PTPRD: variants seen among roughly 807,000 people sequenced by gnomAD.
PTPRD encodes the protein receptor-type tyrosine-protein phosphatase delta.
Under a neutral mutation model 214.5 loss-of-function variants are expected in PTPRD, and 34 were observed. The observed-to-expected ratio is 0.16, with a 90% CI of 0.12 to 0.21. PTPRD has a LOEUF of 0.21. Among genes scored for constraint, PTPRD ranks in the 10% least tolerant of loss-of-function variants. The probability of loss-of-function intolerance (pLI) is 1.00; values close to 1 mark genes in which losing one functional copy is unlikely to be tolerated. For synonymous variants in PTPRD, 1,128 were observed against 845.7 expected, an observed-to-expected ratio of 1.33 and a Z score of -5.79; for missense variants, 2,545 against 2,398.7, an observed-to-expected ratio of 1.06 and a Z score of -1.27.
intron 27 of PTPRD, among the ~76,000 whole-genome samples, chr9:8,490,713 C>T (rs550032850): frequency 6.6e-6 from 1 of 152,212 alleles, no homozygotes; most frequent in South Asian, 2.1e-4. Context: ...ACATTTTCTT[C>T]AGAAGCATCC....
At chr9:8,892,983 T>TG (rs1402917771) in intron 11 of PTPRD, among the ~76,000 whole-genome samples, 2 of 152,096 alleles carry the variant, frequency 1.3e-5, no homozygotes, top group Non-Finnish European at 2.9e-5. Context: ...ACGTCCATGT[T>TG]GGTGGAATAG....
intron 5 of PTPRD, among the ~76,000 whole-genome samples, chr9:9,894,116 A>G (rs2074245724): frequency 6.6e-6 from 1 of 151,790 alleles, no homozygotes; most frequent in African/African-American, 2.4e-5. Flanking sequence ...ACCACTCCCA[A>G]CCCTTTTATT....
intron 30 of PTPRD, among the ~76,000 whole-genome samples, chr9:8,471,666 G>C (rs561911264): frequency 6.6e-6 from 1 of 152,094 alleles, no homozygotes; most frequent in African/African-American, 2.4e-5. Flanking sequence ...CTCGAGGTAA[G>C]TACCGCAGAA....
At chr9:9,240,777 G>T (rs2099969990) in intron 9 of PTPRD, among the ~76,000 whole-genome samples, 1 of 151,976 alleles carries the variant, frequency 6.6e-6, no homozygotes, top group Non-Finnish European at 1.5e-5. Context: ...TATAATTTTG[G>T]TTATTACATT....
intron 9 of PTPRD, among the ~76,000 whole-genome samples, chr9:9,383,468 G>A (rs1269353232): frequency 6.6e-6 from 1 of 152,006 alleles, no homozygotes; most frequent in Non-Finnish European, 1.5e-5. Flanking sequence ...CTAGAATAAG[G>A]AGGCCAGAAA....
At chr9:8,515,872 A>G (rs1321389058) in intron 21 of PTPRD, among the ~76,000 whole-genome samples, 1 of 152,148 alleles carries the variant, frequency 6.6e-6, no homozygotes, top group Non-Finnish European at 1.5e-5. Context: ...GCACTAGAAA[A>G]CAAATAGAAC....
chr9:9,086,316 G>C (rs750573784), intron 10 of PTPRD, among the ~76,000 whole-genome samples: 7 of 152,122 alleles, frequency 4.6e-5, no homozygotes, highest in Admixed American at 2.0e-4. Flanking sequence ...GAGATGTTTG[G>C]TTTAATCTAG....
At chr9:10,063,852 A>T (rs546627968) in intron 3 of PTPRD, among the ~76,000 whole-genome samples, 1 of 152,092 alleles carries the variant, frequency 6.6e-6, no homozygotes, top group South Asian at 2.1e-4. Flanking sequence ...AAAAACAAAA[A>T]CAACACCTCA....
At chr9:8,645,662 G>A (rs1230855824) in intron 12 of PTPRD, among the ~76,000 whole-genome samples, 1 of 151,976 alleles carries the variant, frequency 6.6e-6, no homozygotes, top group Non-Finnish European at 1.5e-5. Flanking sequence ...AAGAAGAAAG[G>A]GAAGGAAGAA....
intron 2 of PTPRD, among the ~76,000 whole-genome samples, chr9:10,506,125 G>C (rs1282454306): frequency 1.3e-5 from 2 of 152,086 alleles, no homozygotes. Context: ...TTTCATAGAA[G>C]AATGTAAAGA....
intron 8 of PTPRD, among the ~76,000 whole-genome samples, chr9:9,475,453 G>A (rs138203615): frequency 1.3e-5 from 2 of 152,216 alleles, no homozygotes; most frequent in East Asian, 1.9e-4. Context: ...AGGAGAAATC[G>A]AACCTAAAAA....
chr9:9,927,690 A>G (rs10816240), intron 5 of PTPRD, among the ~76,000 whole-genome samples: 7 of 152,114 alleles, frequency 4.6e-5, no homozygotes, highest in African/African-American at 1.2e-4. Flanking sequence ...GTATATTATT[A>G]ATATCTATCT....
At position 8,331,681 on chromosome 9, in the gene PTPRD, C is replaced by T. The variant is rs373755531; in HGVS notation, c.5435G>A (p.Gly1812Glu). Residue 1812 changes from glycine to glutamate, a missense_variant, in exon 44 of 46, where the codon GGA (glycine) becomes GAA (glutamate). By Grantham distance (98) the Gly-to-Glu change is moderately conservative. Transcript: ENST00000381196. Reference protein sequence around the residue: ...QFQFTDWPEQGVPKSGEGFID... With the variant: ...QFQFTDWPEQEVPKSGEGFID... ...AAATCCTTCTCCGGACTTTGGCACTCCTTGCTCTGGCCAGTCAGTGAACTG... is the reference window on the plus strand; with the variant it reads ...AAATCCTTCTCCGGACTTTGGCACTTCTTGCTCTGGCCAGTCAGTGAACTG... 12 of 1,613,520 alleles carry T rather than the reference C, an allele frequency of 7.4e-6. No homozygotes were observed. The highest frequency in any genetic ancestry group is 6.6e-5 in the South Asian group (6 of 90,948).
At chr9:8,707,411 T>G (rs2098232983) in intron 12 of PTPRD, among the ~76,000 whole-genome samples, 2 of 152,242 alleles carry the variant, frequency 1.3e-5, no homozygotes, top group South Asian at 4.1e-4. Context: ...CTTCTGTGAT[T>G]TGAGTTACTT....
intron 34 of PTPRD, chr9:8,438,719 GGAGA>G (rs2095441075): frequency 6.6e-6 from 1 of 152,142 alleles, no homozygotes; most frequent in Non-Finnish European, 1.5e-5. Flanking sequence ...GCGGATCGTG[GGAGA>G]GAGTTATTAT....
At chr9:10,582,258 A>G (rs2072164120) in intron 2 of PTPRD, among the ~76,000 whole-genome samples, 1 of 152,142 alleles carries the variant, frequency 6.6e-6, no homozygotes, top group Non-Finnish European at 1.5e-5. Flanking sequence ...ATCAATAAAG[A>G]TTGATTTCTA....
intron 7 of PTPRD, among the ~76,000 whole-genome samples, chr9:9,684,789 G>A (rs555201392): frequency 3.2e-4 from 49 of 151,194 alleles, no homozygotes; most frequent in Non-Finnish European, 4.6e-4. Flanking sequence ...AGAAGTTTGC[G>A]GTCTTTAGAG....
At chr9:8,707,551 A>T (rs897771291) in intron 12 of PTPRD, among the ~76,000 whole-genome samples, 3 of 152,242 alleles carry the variant, frequency 2.0e-5, no homozygotes, top group African/African-American at 7.2e-5. Context: ...AAATTCATAT[A>T]TTTCCTAAGA....
chr9:8,811,073 G>A (rs754127544), intron 11 of PTPRD, among the ~76,000 whole-genome samples: 3 of 152,194 alleles, frequency 2.0e-5, no homozygotes, highest in South Asian at 2.1e-4. Flanking sequence ...CACTGTGAGT[G>A]AAATCGAAGT....
Sources: allele counts gnomAD v4.1 joint callset (sites outside exome capture counted in the v4.1 genomes callset), GRCh38; gene constraint gnomAD v4.1.1; transcripts MANE v1.5; gene names NCBI Gene and HGNC (gene_info 2026-07-23, HGNC 2026-07-21).